Variants in FGD6 observed in about 807,000 individuals in gnomAD.
FGD6 encodes FYVE, RhoGEF and PH domain-containing protein 6.
FGD6 carries 90 observed loss-of-function variants against 149.4 expected under a neutral mutation model. That is an observed-to-expected ratio of 0.60 (90% CI 0.51 to 0.72). FGD6 has a LOEUF of 0.72. Among genes scored for constraint, FGD6 ranks in the 30% least tolerant of loss-of-function variants. FGD6 has a pLI of 0.00. For missense variants in FGD6, 1,437 were observed against 1,684.8 expected (o/e 0.85, Z 2.57); for synonymous variants, 527 against 584.0 (o/e 0.90, Z 1.41).
intron 8 of FGD6, among the ~76,000 whole-genome samples, chr12:95,123,773 A>G (rs1565901998): frequency 6.6e-6 from 1 of 152,080 alleles, no homozygotes; most frequent in Non-Finnish European, 1.5e-5. Flanking sequence ...CGTGTTATTC[A>G]GGACGGTCTC....
chr12:95,085,930 A>G lies in FGD6; in HGVS notation c.3979-22T>C, dbSNP rs1287426312. On this transcript the variant is annotated intron_variant, in intron 18 of 20. Coordinates refer to ENST00000343958, the MANE Select transcript of FGD6 (RefSeq NM_018351.4). ...ATACCTAGATAAGAAACCCCATACA[A>G]AGTTTAATGGTTTTCAGACAAATTA... 7 of 1,589,912 alleles carry G rather than the reference A, an allele frequency of 4.4e-6. No homozygotes were observed. In the African/African-American group the frequency reaches 6.8e-5, roughly 15 times the overall value.
chr12:95,113,843 A>ATC (rs1363602531), intron 8 of FGD6, 142 bp from the exon 9 acceptor site: 2 of 517,750 alleles, frequency 3.9e-6, no homozygotes, highest in Non-Finnish European at 3.3e-6. Context: ...AAAATGTGAA[A>ATC]AAATAAAGCC....
At chr12:95,157,043 C>A (rs1008275565) in intron 3 of FGD6, among the ~76,000 whole-genome samples, 2 of 152,050 alleles carry the variant, frequency 1.3e-5, no homozygotes, top group Admixed American at 1.3e-4. Flanking sequence ...ACCTAATACC[C>A]ACACATCCAC....
At chr12:95,137,839 T>C (rs1187987776) in intron 6 of FGD6, among the ~76,000 whole-genome samples, 161 bp from the exon 7 acceptor site, 1 of 152,184 alleles carries the variant, frequency 6.6e-6, no homozygotes, top group African/African-American at 2.4e-5. Context: ...ACTGCCACCA[T>C]CCCATCTTGC....
At chr12:95,148,282 CAAAA>C (rs10713490) in intron 5 of FGD6, among the ~76,000 whole-genome samples, 2 of 139,080 alleles carry the variant, frequency 1.4e-5, no homozygotes. Flanking sequence ...TTTTACAATG[CAAAA>C]AAAAAAAAAA....
At chr12:95,188,936 A>T (rs1243443671) in intron 2 of FGD6, among the ~76,000 whole-genome samples, 1 of 152,170 alleles carries the variant, frequency 6.6e-6, no homozygotes, top group Non-Finnish European at 1.5e-5. Flanking sequence ...GGACATGTTG[A>T]CATGTGGATT....
At chr12:95,089,162 C>T (rs1236543529) in intron 18 of FGD6, among the ~76,000 whole-genome samples, 1 of 152,208 alleles carries the variant, frequency 6.6e-6, no homozygotes, top group Non-Finnish European at 1.5e-5. Context: ...AGACAACCTA[C>T]TATCAGTGAT....
intron 3 of FGD6, among the ~76,000 whole-genome samples, chr12:95,158,163 CTT>C (rs11294901): frequency 0.19 from 15,668 of 81,550 alleles, 1,453 homozygotes; most frequent in East Asian, 0.27. Flanking sequence ...CATTCACTCA[CTT>C]TTTTTTTTTT....
At chr12:95,142,243 G>C (rs982878111) in intron 5 of FGD6, among the ~76,000 whole-genome samples, 2 of 151,476 alleles carry the variant, frequency 1.3e-5, no homozygotes, top group African/African-American at 2.4e-5. Flanking sequence ...CCGGGTTCAA[G>C]CTATTCTCCT....
intron 3 of FGD6, among the ~76,000 whole-genome samples, chr12:95,168,712 TTG>T (rs1381860399): frequency 6.6e-6 from 1 of 152,144 alleles, no homozygotes; most frequent in African/African-American, 2.4e-5. Context: ...AGCATTCACT[TTG>T]TGTTAAGCTC....
intron 2 of FGD6, among the ~76,000 whole-genome samples, chr12:95,179,870 G>A (rs531597839): frequency 6.6e-6 from 1 of 151,992 alleles, no homozygotes; most frequent in Non-Finnish European, 1.5e-5. Flanking sequence ...CCTTAGGTAG[G>A]AAATTTGAGA....
chr12:95,129,619 A>G (rs1879459112), intron 8 of FGD6, among the ~76,000 whole-genome samples: 1 of 152,168 alleles, frequency 6.6e-6, no homozygotes, highest in Non-Finnish European at 1.5e-5. Context: ...ATTCTTCCCA[A>G]CTTCAAACAG....
At chr12:95,098,649 C>T (rs1565895167) in intron 14 of FGD6, among the ~76,000 whole-genome samples, 1 of 152,180 alleles carries the variant, frequency 6.6e-6, no homozygotes, top group Non-Finnish European at 1.5e-5. Context: ...CTGACTCCTA[C>T]TTATCTTTCC....
intron 3 of FGD6, among the ~76,000 whole-genome samples, chr12:95,165,938 T>G (rs1427647488): frequency 6.6e-6 from 1 of 151,140 alleles, no homozygotes; most frequent in East Asian, 1.9e-4. Flanking sequence ...TGAGCCACCA[T>G]GCCTGGCTTG....
intron 7 of FGD6, among the ~76,000 whole-genome samples, chr12:95,136,256 G>A (rs1291645257): frequency 6.6e-6 from 1 of 152,086 alleles, no homozygotes; most frequent in Non-Finnish European, 1.5e-5. Context: ...TACTCGGGAG[G>A]CTGAGGCAGG....
At chr12:95,103,024 G>A (rs892132092) in intron 14 of FGD6, among the ~76,000 whole-genome samples, 3 of 152,160 alleles carry the variant, frequency 2.0e-5, no homozygotes, top group Non-Finnish European at 4.4e-5. Flanking sequence ...TACTCCACCT[G>A]CTCCTAAGAT....
chr12:95,210,521 T>G lies in FGD6; in HGVS notation c.763A>C (p.Thr255Pro). Residue 255 changes from threonine (T) to proline (P), a missense_variant, in exon 2 of 21, where the codon ACT becomes CCT. Thr to Pro is a conservative substitution (Grantham distance 38). This residue lies in a region of FGD6 where 1,055 missense variants were observed against 1,146.0 expected (regional missense o/e 0.92). Coordinates refer to ENST00000343958, the MANE Select transcript of FGD6 (RefSeq NM_018351.4). ...CTTTTTTCACTGTCATCCTGGCAAG[T>G]TTCAAAATGTTCACATTCATCACTA... is the stretch of plus-strand genomic sequence containing the variant. ...LPSDECEHFE[T>P]CQDDSEKSNN... 1 of 1,613,910 alleles carries G rather than the reference T, an allele frequency of 6.2e-7. No homozygotes were observed. Among genetic ancestry groups the G allele is most frequent in the Non-Finnish European group, 8.5e-7 (1 of 1,179,990 alleles).
chr12:95,156,496 C>T (rs1880475352), intron 3 of FGD6, among the ~76,000 whole-genome samples: 1 of 152,168 alleles, frequency 6.6e-6, no homozygotes, highest in South Asian at 2.1e-4. Context: ...GCTCTCAAAC[C>T]CTGTCTCCTG....
chr12:95,203,605 A>C (rs747086139), intron 2 of FGD6, among the ~76,000 whole-genome samples: 1 of 152,238 alleles, frequency 6.6e-6, no homozygotes, highest in African/African-American at 2.4e-5. Context: ...TGTCACCTCA[A>C]TGGGCAGAAG....
Sources: gnomAD v4.1 joint callset for allele counts (sites outside exome capture counted in the v4.1 genomes callset) on GRCh38, gnomAD v4.1.1 for gene constraint, gnomAD v4.1.1 regional missense constraint, MANE v1.5 for transcripts, NCBI Gene and HGNC (gene_info 2026-07-23, HGNC 2026-07-21) for gene names.